The following PRKCA variants were observed in gnomAD, a reference collection of about 807,000 sequenced individuals.
PRKCA encodes protein kinase C alpha type.
In PRKCA, 27 loss-of-function variants were observed where a neutral mutation model predicts 87.0. That is an observed-to-expected ratio of 0.31 (90% CI 0.23 to 0.43). The LOEUF is 0.43. PRKCA is among the 20% of genes least tolerant of loss of function. The pLI, the probability that PRKCA is intolerant of heterozygous loss-of-function variation, is 1.00. For synonymous variants in PRKCA, 329 were observed against 311.1 expected (o/e 1.06, Z -0.61); for missense variants, 518 against 852.3 (o/e 0.61, Z 4.88).
chr17:66,809,485 T>C lies in PRKCA; in HGVS notation c.*5448T>C, dbSNP rs897293593. ...CTATTTGTACTTTTTTATAGAGAAC[T>C]TTAATAATAATTCTTTAAAAATGAG... On this transcript the variant is annotated 3_prime_UTR_variant, in exon 17 of 17. Coordinates refer to ENST00000413366, the MANE Select transcript of PRKCA (RefSeq NM_002737.3). The C allele has an allele frequency of 6.6e-6, 1 of 152,452 alleles. No individual in the cohort carries two copies. The highest frequency in any genetic ancestry group is 2.4e-5 in the African/African-American group (1 of 41,438). The allele number at this position is 152,452 out of a possible 1,614,324, so 9.4% of individuals were successfully genotyped here. A position where few individuals can be genotyped will look rare whatever the true frequency, so the allele number is the denominator to read the frequency against.
chr17:66,602,719 G>A lies in PRKCA; in HGVS notation c.289-38636G>A, dbSNP rs144700650. Among the ~76,000 whole-genome samples, 10 of 152,250 alleles carry A rather than the reference G, an allele frequency of 6.6e-5. No homozygotes were observed. The East Asian group carries it at 7.7e-4, about 12-fold the overall frequency. The stretch of plus-strand genomic sequence containing the variant: ...TCTGAACATGTAGCAGGCGTGGAGC[G>A]CTCAGGTTTCACGGGTGGCCTTGGA... On this transcript the variant is annotated intron_variant, in intron 3 of 16. Transcript: ENST00000413366.
intron 8 of PRKCA, among the ~76,000 whole-genome samples, chr17:66,691,051 G>C (rs1020811038): frequency 1.3e-5 from 2 of 151,678 alleles, no homozygotes; most frequent in African/African-American, 4.9e-5. Flanking sequence ...CTGGGCACGA[G>C]AATCACTTGA....
chr17:66,783,984 C>T (rs575405752), intron 14 of PRKCA, among the ~76,000 whole-genome samples: 3 of 152,324 alleles, frequency 2.0e-5, no homozygotes, highest in African/African-American at 7.2e-5. Context: ...GTTTGGTGCT[C>T]CGCTGTCGCA....
intron 1 of PRKCA, among the ~76,000 whole-genome samples, chr17:66,305,205 T>C (rs1324052805): frequency 1.3e-5 from 2 of 152,234 alleles, no homozygotes; most frequent in Non-Finnish European, 2.9e-5. Flanking sequence ...GTCCTTGATT[T>C]ACACGTTTAT....
chr17:66,747,052 A>G (rs1330293994), intron 13 of PRKCA, among the ~76,000 whole-genome samples: 1 of 151,976 alleles, frequency 6.6e-6, no homozygotes, highest in Non-Finnish European at 1.5e-5. Context: ...CATTTTATTT[A>G]TTTTATATAA....
intron 3 of PRKCA, among the ~76,000 whole-genome samples, chr17:66,587,779 GTATATGTATACATATATACGTATA>G (rs1969652471): frequency 7.1e-5 from 8 of 113,164 alleles, no homozygotes; most frequent in Admixed American, 2.8e-4. Flanking sequence ...GTATATGTGT[GTATATGTATACATATATACGTATA>G]TGTGTGTGTA....
intron 13 of PRKCA, among the ~76,000 whole-genome samples, chr17:66,751,982 C>T (rs1974440209): frequency 6.6e-6 from 1 of 152,220 alleles, no homozygotes. Context: ...CTCCCATGAG[C>T]CAGTCACCTC....
At chr17:66,613,520 A>G (rs1411502776) in intron 3 of PRKCA, among the ~76,000 whole-genome samples, 2 of 152,172 alleles carry the variant, frequency 1.3e-5, no homozygotes, top group Admixed American at 1.3e-4. Context: ...CTAGAAGTCC[A>G]AAAGACACCC....
At chr17:66,393,612 G>T (rs1169208648) in intron 2 of PRKCA, among the ~76,000 whole-genome samples, 1 of 151,386 alleles carries the variant, frequency 6.6e-6, no homozygotes, top group African/African-American at 2.4e-5. Flanking sequence ...CCTGCAGGAG[G>T]CCTCTCGGCC....
chr17:66,749,467 A>T (rs1371734718), intron 13 of PRKCA, among the ~76,000 whole-genome samples: 1 of 152,100 alleles, frequency 6.6e-6, no homozygotes, highest in Non-Finnish European at 1.5e-5. Flanking sequence ...TGGTGACCCT[A>T]TTTGAACCTG....
At chr17:66,801,679 C>G (rs1975902588) in intron 16 of PRKCA, among the ~76,000 whole-genome samples, 1 of 152,156 alleles carries the variant, frequency 6.6e-6, no homozygotes, top group Non-Finnish European at 1.5e-5. Flanking sequence ...TTGTGCTCTT[C>G]CAAGGAAATA....
At chr17:66,370,395 C>T (rs1280839504) in intron 2 of PRKCA, among the ~76,000 whole-genome samples, 1 of 151,544 alleles carries the variant, frequency 6.6e-6, no homozygotes, top group African/African-American at 2.4e-5. Flanking sequence ...CCATAGCTGG[C>T]TATTTTGATA....
intron 5 of PRKCA, among the ~76,000 whole-genome samples, chr17:66,679,176 T>C (rs1479918899): frequency 0.016 from 14 of 872 alleles, no homozygotes; most frequent in African/African-American, 0.069. Flanking sequence ...ACTCACACCT[T>C]TTTTTTTTTT....
chr17:66,386,840 C>A (rs1314792888), intron 2 of PRKCA, among the ~76,000 whole-genome samples: 3 of 151,932 alleles, frequency 2.0e-5, no homozygotes, highest in Admixed American at 2.0e-4. Flanking sequence ...AAGAACATTC[C>A]TTCATTACTT....
intron 3 of PRKCA, among the ~76,000 whole-genome samples, chr17:66,505,186 T>C (rs567541497): frequency 6.6e-6 from 1 of 152,338 alleles, no homozygotes; most frequent in Non-Finnish European, 1.5e-5. Flanking sequence ...GGACTCCTGC[T>C]GCACTTGGAC....
In PRKCA at chr17:66,741,871, C is replaced by T. The variant is rs564452710; in HGVS notation, c.1385+150C>T. 7.6e-6 allele frequency: 5 copies of T among 659,868 alleles called. No individual in the cohort carries two copies. The South Asian group carries it at 1.2e-4, about 16-fold the overall frequency. The allele number at this position is 659,868 out of a possible 1,614,324, so 40.9% of individuals were successfully genotyped here. On this transcript the variant is annotated intron_variant, in intron 12 of 16. Transcript: ENST00000413366. ...TGCTGGGACCCACCTTCCTCCTCAC[C>T]CTGGAGGCAAATCAGAGCCACCTTC...
At chr17:66,737,384 A>T (rs1974060925) in intron 10 of PRKCA, among the ~76,000 whole-genome samples, 1 of 152,108 alleles carries the variant, frequency 6.6e-6, no homozygotes, top group Admixed American at 6.6e-5. Context: ...AAAGAAACAT[A>T]GATGTTTAGA....
rs1288360448 is a variant in PRKCA, at chr17:66,805,008, T to C, written c.*971T>C. 3.0e-6 allele frequency: 3 copies of C among 985,120 alleles called. No homozygotes were observed. The highest frequency in any genetic ancestry group is 6.1e-5 in the Admixed American group (1 of 16,268). 61.0% of individuals were successfully genotyped at this position (985,120 alleles called of 1,614,324 possible). A position where few individuals can be genotyped will look rare whatever the true frequency, so the allele number is the denominator to read the frequency against. ...TCCCCTTTTGTGCTTATTTATTTAA[T>C]AGGCTGCAGTGTCGCTTATGAAAGT... On this transcript the variant is annotated 3_prime_UTR_variant, in exon 17 of 17. Transcript: ENST00000413366.
At chr17:66,699,357 T>TA (rs1973008091) in intron 8 of PRKCA, among the ~76,000 whole-genome samples, 2 of 152,108 alleles carry the variant, frequency 1.3e-5, no homozygotes, top group South Asian at 4.1e-4. Flanking sequence ...TTGCAACTGA[T>TA]ACTACAGAAA....
Sources: allele counts gnomAD v4.1 joint callset (sites outside exome capture counted in the v4.1 genomes callset), GRCh38; gene constraint gnomAD v4.1.1; transcripts MANE v1.5; gene names NCBI Gene and HGNC (gene_info 2026-07-23, HGNC 2026-07-21).